GTF2A1L: variants seen among roughly 807,000 people sequenced by gnomAD.
The protein encoded by GTF2A1L is general transcription factor IIA subunit 1 like, also known as TFIIA-alpha and beta-like factor.
In GTF2A1L, 48 loss-of-function variants were observed where a neutral mutation model predicts 49.7. The observed-to-expected ratio is 0.97, with a 90% CI of 0.77 to 1.23. GTF2A1L has a LOEUF of 1.23. Among genes scored for constraint, GTF2A1L ranks in the 50% most tolerant of loss-of-function variants. The pLI, the probability that GTF2A1L is intolerant of heterozygous loss-of-function variation, is 0.00. For synonymous variants in GTF2A1L, 246 were observed against 193.5 expected, an observed-to-expected ratio of 1.27 and a Z score of -2.25; for missense variants, 736 against 564.8, an observed-to-expected ratio of 1.30 and a Z score of -3.07.
intron 6 of GTF2A1L, among the ~76,000 whole-genome samples, chr2:48,655,621 CATAGT>C (rs1264086659): frequency 1.3e-5 from 2 of 152,172 alleles, no homozygotes; most frequent in Non-Finnish European, 2.9e-5. Context: ...AGTTTTGCCA[CATAGT>C]ATAGTATATC....
chr2:48,620,304 C>A (rs1407534045), intron 1 of GTF2A1L, among the ~76,000 whole-genome samples: 1 of 152,196 alleles, frequency 6.6e-6, no homozygotes, highest in Non-Finnish European at 1.5e-5. Flanking sequence ...TATTGTAGTT[C>A]TGTAATTCAG....
At chr2:48,633,608 G>T (rs751424143) in intron 3 of GTF2A1L, among the ~76,000 whole-genome samples, 1 of 152,192 alleles carries the variant, frequency 6.6e-6, no homozygotes, top group Non-Finnish European at 1.5e-5. Flanking sequence ...GAAAAGTATT[G>T]TTCTATGGCC....
At chr2:48,619,497 A>AT (rs200883712) in intron 1 of GTF2A1L, among the ~76,000 whole-genome samples, 12 of 150,914 alleles carry the variant, frequency 8.0e-5, no homozygotes, top group Non-Finnish European at 8.8e-5. Context: ...AATAATAATA[A>AT]AAAAAAAGCA....
Position 48,630,684 on chromosome 2 carries a change from C to T in GTF2A1L, c.247+9394C>T, listed in dbSNP as rs541106285. 4.9e-5 allele frequency among the ~76,000 whole-genome samples: 7 copies of T among 143,304 alleles called. 1 individual carries two copies. In the South Asian group the frequency reaches 1.7e-3, roughly 34 times the overall value. 94.0% of individuals were successfully genotyped at this position (143,304 alleles called of 152,430 possible). ...GTGAGATTGGGCATCCTTGTCTTTT[C>T]TGGTTCTCAGGGAGAGTTCTTCCAA... On this transcript the variant is annotated intron_variant, in intron 3 of 8. Transcript: ENST00000403751.
At chr2:48,632,467 C>T (rs1676634366) in intron 3 of GTF2A1L, 1 of 152,064 alleles carries the variant, frequency 6.6e-6, no homozygotes, top group Non-Finnish European at 1.5e-5. Context: ...ACTGCAACCT[C>T]CGACTCCCTG....
At chr2:48,652,511 G>A (rs192422641) in intron 6 of GTF2A1L, among the ~76,000 whole-genome samples, 82 of 151,176 alleles carry the variant, frequency 5.4e-4, no homozygotes, top group Non-Finnish European at 9.6e-4. Flanking sequence ...AGCTACTCGG[G>A]ATCTGAGGCA....
chr2:48,636,800 G>C (rs1676914861), intron 3 of GTF2A1L, among the ~76,000 whole-genome samples: 1 of 152,110 alleles, frequency 6.6e-6, no homozygotes, highest in Non-Finnish European at 1.5e-5. Context: ...AGAATAACAG[G>C]TGTAAACTGG....
intron 6 of GTF2A1L, among the ~76,000 whole-genome samples, chr2:48,648,101 AT>A (rs1194870260): frequency 7.2e-5 from 11 of 152,124 alleles, no homozygotes; most frequent in Non-Finnish European, 1.2e-4. Flanking sequence ...GAAAATGACA[AT>A]CAGAAACTAT....
At chr2:48,644,321 C>T (rs1018164061) in intron 4 of GTF2A1L, among the ~76,000 whole-genome samples, 4 of 152,148 alleles carry the variant, frequency 2.6e-5, no homozygotes, top group Non-Finnish European at 5.9e-5. Context: ...AGTAGGGATA[C>T]TCTTTTTACT....
rs1285245161 is a variant in GTF2A1L at position 48,629,770 on chromosome 2, A to T, written c.247+8480A>T. On this transcript the variant is annotated intron_variant, in intron 3 of 8. Coordinates refer to ENST00000403751, the MANE Select transcript of GTF2A1L (RefSeq NM_006872.5). ...AATGTATTTTGAATTTAAGCTGCCC[A>T]GTTACATCTTGAGTTAATTTTTGTA... 2.1e-5 allele frequency among the ~76,000 whole-genome samples: 3 copies of T among 144,234 alleles called. 1 individual carries two copies. Among genetic ancestry groups the T allele is most frequent in the Non-Finnish European group, 4.7e-5 (3 of 63,914 alleles). 94.6% of individuals were successfully genotyped at this position (144,234 alleles called of 152,430 possible).
At chr2:48,652,487 G>A (rs1024347936) in intron 6 of GTF2A1L, among the ~76,000 whole-genome samples, 12 of 149,720 alleles carry the variant, frequency 8.0e-5, no homozygotes, top group African/African-American at 2.9e-4. Context: ...GTGGTGGCAG[G>A]CACCTGTAAT....
chr2:48,642,193 C>G (rs775421979), intron 3 of GTF2A1L, among the ~76,000 whole-genome samples: 15 of 152,082 alleles, frequency 9.9e-5, no homozygotes, highest in Non-Finnish European at 1.9e-4. Flanking sequence ...TCTTTCAGCA[C>G]TTAAAGGAGT....
chr2:48,670,679 T>G (rs909967830), intron 7 of GTF2A1L, among the ~76,000 whole-genome samples: 1 of 152,186 alleles, frequency 6.6e-6, no homozygotes, highest in African/African-American at 2.4e-5. Flanking sequence ...TCATATTAAG[T>G]CTTAAATGCC....
chr2:48,643,741 CA>C (rs1210985115), intron 4 of GTF2A1L, among the ~76,000 whole-genome samples: 2 of 148,512 alleles, frequency 1.3e-5, no homozygotes, highest in African/African-American at 2.5e-5. Context: ...CTCTGTCACC[CA>C]AGTCTGGAGT....
intron 3 of GTF2A1L, among the ~76,000 whole-genome samples, chr2:48,627,491 C>G (rs571062401): frequency 7.0e-6 from 1 of 143,806 alleles, no homozygotes; most frequent in East Asian, 1.9e-4. Flanking sequence ...ATAACTAGGC[C>G]TCTCATCCAT....
chr2:48,670,187 GT>G (rs1679091070), intron 7 of GTF2A1L, among the ~76,000 whole-genome samples: 1 of 152,154 alleles, frequency 6.6e-6, no homozygotes, highest in Non-Finnish European at 1.5e-5. Flanking sequence ...GAGGTTTGGA[GT>G]TCGAGGCCAG....
At chr2:48,624,116 G>T (rs1676171263) in intron 3 of GTF2A1L, among the ~76,000 whole-genome samples, 1 of 105,054 alleles carries the variant, frequency 9.5e-6, no homozygotes, top group Admixed American at 9.8e-5. Flanking sequence ...GTAATTTCCT[G>T]TATCTTCAGT....
intron 6 of GTF2A1L, among the ~76,000 whole-genome samples, chr2:48,651,807 G>T (rs1677864233): frequency 6.6e-6 from 1 of 152,144 alleles, no homozygotes; most frequent in Non-Finnish European, 1.5e-5. Flanking sequence ...GATCCTTGGG[G>T]AGACATTTAC....
intron 8 of GTF2A1L, among the ~76,000 whole-genome samples, chr2:48,678,455 C>G (rs1404114054): frequency 1.3e-5 from 2 of 151,998 alleles, no homozygotes; most frequent in Non-Finnish European, 2.9e-5. Context: ...ATCTGAATAC[C>G]AGTCACAGCC....
Sources: gnomAD v4.1 joint callset for allele counts (sites outside exome capture counted in the v4.1 genomes callset) on GRCh38, gnomAD v4.1.1 for gene constraint, MANE v1.5 for transcripts, NCBI Gene and HGNC (gene_info 2026-07-23, HGNC 2026-07-21) for gene names.